ENOX1: variants seen among roughly 807,000 people sequenced by gnomAD.
The protein encoded by ENOX1 is ecto-NOX disulfide-thiol exchanger 1, also known as candidate growth-related and time keeping constitutive hydroquinone (NADH) oxidase.
A neutral mutation model predicts 82.5 loss-of-function variants in ENOX1; 42 were observed. That is an observed-to-expected ratio of 0.51 (90% CI 0.40 to 0.66). The LOEUF (loss-of-function observed/expected upper bound fraction) is 0.66. ENOX1 is among the 30% of genes least tolerant of loss of function. ENOX1 has a pLI of 0.00. For synonymous variants in ENOX1, 271 were observed against 282.2 expected, an observed-to-expected ratio of 0.96 and a Z score of 0.40; for missense variants, 608 against 811.6, an observed-to-expected ratio of 0.75 and a Z score of 3.05.
chr13:43,589,896 CAAAAAAA>C (rs56787803), intron 2 of ENOX1, among the ~76,000 whole-genome samples: 8 of 108,886 alleles, frequency 7.3e-5, no homozygotes, highest in Non-Finnish European at 1.2e-4. Context: ...GTCTATTCTG[CAAAAAAA>C]AAAAAAAAAA....
intron 1 of ENOX1, among the ~76,000 whole-genome samples, chr13:43,683,005 A>G (rs1947678231): frequency 6.6e-6 from 1 of 152,222 alleles, no homozygotes; most frequent in African/African-American, 2.4e-5. Flanking sequence ...ATCATTAGCT[A>G]GTAAAACAAA....
chr13:43,729,362 C>T (rs145718634), intron 1 of ENOX1, among the ~76,000 whole-genome samples: 4 of 152,144 alleles, frequency 2.6e-5, no homozygotes, highest in East Asian at 1.9e-4. Flanking sequence ...TCTAGGTAAA[C>T]GTGTCTCTTG....
intron 12 of ENOX1, among the ~76,000 whole-genome samples, chr13:43,283,006 C>A (rs2045483977): frequency 6.6e-6 from 1 of 151,828 alleles, no homozygotes; most frequent in Non-Finnish European, 1.5e-5. Flanking sequence ...TCGCTTGAAC[C>A]CAGAAGGCAG....
intron 2 of ENOX1, among the ~76,000 whole-genome samples, chr13:43,623,552 T>C (rs568011672): frequency 2.6e-5 from 4 of 152,260 alleles, no homozygotes; most frequent in Admixed American, 1.3e-4. Context: ...CGGGAGAGGA[T>C]GGTCTCACTT....
intron 2 of ENOX1, among the ~76,000 whole-genome samples, chr13:43,627,063 T>C (rs1489027197): frequency 6.6e-6 from 1 of 152,014 alleles, no homozygotes. Context: ...CTGACAATTT[T>C]CTTTGTTCTA....
chr13:43,267,750 T>TGAG (rs1463769291), intron 13 of ENOX1, among the ~76,000 whole-genome samples: 1 of 152,122 alleles, frequency 6.6e-6, no homozygotes, highest in Non-Finnish European at 1.5e-5. Flanking sequence ...GGGTAGCAGG[T>TGAG]GAGGGGCTCT....
intron 2 of ENOX1, among the ~76,000 whole-genome samples, chr13:43,548,839 T>G (rs1256045009): frequency 6.6e-6 from 1 of 152,156 alleles, no homozygotes; most frequent in Non-Finnish European, 1.5e-5. Flanking sequence ...ACCTGTTTCC[T>G]CCTCTTTCAA....
At chr13:43,751,199 T>C (rs1349536764) in intron 1 of ENOX1, among the ~76,000 whole-genome samples, 1 of 152,172 alleles carries the variant, frequency 6.6e-6, no homozygotes, top group Admixed American at 6.5e-5. Context: ...TTTCAACAAA[T>C]GCCTATTCAT....
intron 5 of ENOX1, among the ~76,000 whole-genome samples, chr13:43,377,654 C>T (rs977504586): frequency 3.9e-5 from 6 of 152,134 alleles, no homozygotes; most frequent in African/African-American, 1.4e-4. Context: ...TTATAGGCGC[C>T]AGGCAAGGTG....
chr13:43,617,585 T>C (rs1036304051), intron 2 of ENOX1, among the ~76,000 whole-genome samples: 28 of 152,244 alleles, frequency 1.8e-4, no homozygotes, highest in Non-Finnish European at 2.5e-4. Flanking sequence ...TAGTATTCCA[T>C]GGTTTATATA....
chr13:43,499,482 A>G (rs774819715), intron 2 of ENOX1, among the ~76,000 whole-genome samples: 1 of 152,100 alleles, frequency 6.6e-6, no homozygotes, highest in Non-Finnish European at 1.5e-5. Flanking sequence ...CAATACAAAG[A>G]CCCTGGACAC....
At chr13:43,753,916 A>G (rs980864306) in intron 1 of ENOX1, among the ~76,000 whole-genome samples, 3 of 91,588 alleles carry the variant, frequency 3.3e-5, no homozygotes, top group African/African-American at 1.1e-4. Flanking sequence ...AATTACGACC[A>G]GATTTCCTTA....
intron 14 of ENOX1, among the ~76,000 whole-genome samples, chr13:43,258,692 G>A (rs931550937): frequency 1.3e-5 from 2 of 152,148 alleles, no homozygotes; most frequent in Non-Finnish European, 2.9e-5. Context: ...GGAAGACAAA[G>A]TGGCTCCTGA....
At chr13:43,464,150 G>C (rs2057615632) in intron 3 of ENOX1, among the ~76,000 whole-genome samples, 1 of 152,126 alleles carries the variant, frequency 6.6e-6, no homozygotes, top group Non-Finnish European at 1.5e-5. Context: ...GAGTTTTTGA[G>C]GGTGAGTAAG....
At chr13:43,271,884 T>C (rs2044706058) in intron 12 of ENOX1, among the ~76,000 whole-genome samples, 1 of 152,182 alleles carries the variant, frequency 6.6e-6, no homozygotes, top group South Asian at 2.1e-4. Flanking sequence ...ACATATATTG[T>C]CATTGTTTTG....
intron 2 of ENOX1, among the ~76,000 whole-genome samples, chr13:43,631,594 T>A (rs933607537): frequency 6.6e-6 from 1 of 152,188 alleles, no homozygotes; most frequent in Admixed American, 6.5e-5. Flanking sequence ...CAAGAACCCC[T>A]GTCTGCTAAT....
rs181222049 is a variant in ENOX1, at chr13:43,724,840, C to A, written c.-284-57296G>T. The stretch of plus-strand genomic sequence containing the variant: ...GTTCTCTCTCACACACAGCTTGTAT[C>A]TAAAGCTATGCAAGAAATACATTTT... On this transcript the variant is annotated intron_variant, in intron 1 of 16. Coordinates refer to ENST00000690772, the MANE Select transcript of ENOX1 (RefSeq NM_001347969.2). 2.6e-3 allele frequency among the ~76,000 whole-genome samples: 401 copies of A among 152,308 alleles called. 2 individuals are homozygous for A. Among genetic ancestry groups the A allele is most frequent in the African/African-American group, 9.2e-3 (384 of 41,556 alleles).
intron 5 of ENOX1, among the ~76,000 whole-genome samples, chr13:43,382,416 C>T (rs2052114561): frequency 6.6e-6 from 1 of 152,050 alleles, no homozygotes; most frequent in African/African-American, 2.4e-5. Context: ...TTCATAAGGT[C>T]AGAAACAAGG....
intron 1 of ENOX1, among the ~76,000 whole-genome samples, chr13:43,726,010 A>G (rs1466788814): frequency 6.6e-6 from 1 of 152,026 alleles, no homozygotes; most frequent in Non-Finnish European, 1.5e-5. Context: ...TTTGGTAACC[A>G]GATACAGTCT....
Sources: gnomAD v4.1 joint callset for allele counts (sites outside exome capture counted in the v4.1 genomes callset) on GRCh38, gnomAD v4.1.1 for gene constraint, MANE v1.5 for transcripts, NCBI Gene and HGNC (gene_info 2026-07-23, HGNC 2026-07-21) for gene names.